Variants in ASPRV1 observed in about 807,000 individuals in gnomAD.
The protein encoded by ASPRV1 is aspartic peptidase retroviral like 1.
In ASPRV1, 7 loss-of-function variants were observed where a neutral mutation model predicts 11.0. That is an observed-to-expected ratio of 0.64 (90% confidence interval 0.36 to 1.20). The LOEUF is 1.20. ASPRV1 is among the 50% of genes most tolerant of loss of function. The pLI is 0.02. For missense variants in ASPRV1, 299 were observed against 320.0 expected, an observed-to-expected ratio of 0.93 and a Z score of 0.50; for synonymous variants, 136 against 138.4, an observed-to-expected ratio of 0.98 and a Z score of 0.12.
chr2:69,938,872 G>A, the ASPRV1 span: 2 of 152,818 alleles, frequency 1.3e-5, no homozygotes, highest in African/African-American at 4.8e-5. Flanking sequence ...GTGTGGATGG[G>A]AGCAGTATTT....
At chr2:69,999,179 G>A in the ASPRV1 span, among the ~76,000 whole-genome samples, 3 of 152,100 alleles carry the variant, frequency 2.0e-5, no homozygotes, top group Admixed American at 1.3e-4. Flanking sequence ...CAATCGCAAC[G>A]CACTACAGCC....
At chr2:70,078,494 A>G in the ASPRV1 span, among the ~76,000 whole-genome samples, 7 of 152,360 alleles carry the variant, frequency 4.6e-5, no homozygotes, top group East Asian at 3.9e-4. Context: ...CAGTTAAGGT[A>G]TATTTCACTG....
chr2:69,974,529 GCA>G, the ASPRV1 span, among the ~76,000 whole-genome samples: 18 of 152,176 alleles, frequency 1.2e-4, 1 homozygote, highest in African/African-American at 4.3e-4. Flanking sequence ...TATGATCTGA[GCA>G]CACCTGGATC....
chr2:70,074,072 T>C, the ASPRV1 span, among the ~76,000 whole-genome samples: 3 of 128,040 alleles, frequency 2.3e-5, no homozygotes, highest in Admixed American at 9.9e-5. Flanking sequence ...AGGCGGAGCT[T>C]GCAGTGAGCC....
At chr2:70,035,556 T>C in the ASPRV1 span, among the ~76,000 whole-genome samples, 1 of 151,670 alleles carries the variant, frequency 6.6e-6, no homozygotes, top group African/African-American at 2.4e-5. Flanking sequence ...AGCACTGAGG[T>C]GCAAGATGCC....
chr2:69,965,377 T>C (rs991330925), upstream of ASPRV1, among the ~76,000 whole-genome samples: 1 of 152,014 alleles, frequency 6.6e-6, no homozygotes, highest in Admixed American at 6.6e-5. Flanking sequence ...TTGGCTTCCC[T>C]GGGCGACACC....
At chr2:70,026,658 C>T in the ASPRV1 span, among the ~76,000 whole-genome samples, 4 of 151,460 alleles carry the variant, frequency 2.6e-5, no homozygotes, top group African/African-American at 7.3e-5. Context: ...AGTAAAAGAT[C>T]TCTACAATAA....
the ASPRV1 span, among the ~76,000 whole-genome samples, chr2:70,078,912 C>T: frequency 6.6e-6 from 1 of 152,148 alleles, no homozygotes; most frequent in Non-Finnish European, 1.5e-5. Flanking sequence ...GAAAGCTATT[C>T]CAGTAGCAGC....
chr2:70,007,076 T>TA, the ASPRV1 span, among the ~76,000 whole-genome samples: 1 of 152,242 alleles, frequency 6.6e-6, no homozygotes, highest in Non-Finnish European at 1.5e-5. Context: ...AAAGATTATG[T>TA]AACTTACCAT....
chr2:69,957,870 T>G (rs911124752), downstream of ASPRV1, among the ~76,000 whole-genome samples: 1 of 152,204 alleles, frequency 6.6e-6, no homozygotes, highest in Admixed American at 6.5e-5. Context: ...ACACTGATCC[T>G]GCATCCTCCT....
chr2:69,963,139 G>A (rs909281617), upstream of ASPRV1: 1 of 402,476 alleles, frequency 2.5e-6, no homozygotes, highest in Non-Finnish European at 5.0e-6. Context: ...GCAAGACTGT[G>A]CTGTCCCCAG....
the ASPRV1 span, among the ~76,000 whole-genome samples, chr2:70,015,216 G>C: frequency 6.6e-6 from 1 of 152,102 alleles, no homozygotes; most frequent in Admixed American, 6.6e-5. Flanking sequence ...AGACATTTCA[G>C]GCAAATGGAA....
At chr2:70,048,968 C>T in the ASPRV1 span, 2 of 152,146 alleles carry the variant, frequency 1.3e-5, no homozygotes, top group African/African-American at 2.4e-5. Flanking sequence ...CTTTCCAGTA[C>T]AACTTCATCT....
the ASPRV1 span, among the ~76,000 whole-genome samples, chr2:70,076,507 C>T: frequency 6.6e-6 from 1 of 152,194 alleles, no homozygotes; most frequent in Non-Finnish European, 1.5e-5. Flanking sequence ...TTAACCGTCA[C>T]CACCATCTTA....
the ASPRV1 span, among the ~76,000 whole-genome samples, chr2:70,077,763 G>A: frequency 3.3e-5 from 5 of 152,270 alleles, no homozygotes; most frequent in Admixed American, 2.6e-4. Flanking sequence ...GCTGAGGCAG[G>A]AGAATCACTT....
At chr2:70,020,585 T>C in the ASPRV1 span, among the ~76,000 whole-genome samples, 4 of 151,998 alleles carry the variant, frequency 2.6e-5, no homozygotes, top group African/African-American at 4.8e-5. Flanking sequence ...TCTACAAAAA[T>C]ACAAAAAATT....
At chr2:70,087,330 T>A in the ASPRV1 span, 1 of 147,960 alleles carries the variant, frequency 6.8e-6, no homozygotes, top group African/African-American at 2.5e-5. Flanking sequence ...TGTCAGAAGG[T>A]TTTTTTTTTA....
the ASPRV1 span, among the ~76,000 whole-genome samples, chr2:69,995,997 G>C: frequency 6.6e-6 from 1 of 152,186 alleles, no homozygotes; most frequent in South Asian, 2.1e-4. Context: ...TAGTGGAGCA[G>C]TCAGGTGGGG....
chr2:69,979,523 G>A, the ASPRV1 span, among the ~76,000 whole-genome samples: 4 of 152,150 alleles, frequency 2.6e-5, no homozygotes, highest in African/African-American at 9.7e-5. Flanking sequence ...CTCTGGGAGG[G>A]GCAGGACACA....
Sources: allele counts gnomAD v4.1 joint callset (sites outside exome capture counted in the v4.1 genomes callset), GRCh38; gene constraint gnomAD v4.1.1; transcripts MANE v1.5; gene names NCBI Gene and HGNC (gene_info 2026-07-23, HGNC 2026-07-21).